HNF4G: variants seen among roughly 807,000 people sequenced by gnomAD.
HNF4G encodes hepatocyte nuclear factor 4-gamma.
HNF4G carries 21 observed loss-of-function variants against 50.9 expected under a neutral mutation model. That is an observed-to-expected ratio of 0.41 (90% CI 0.29 to 0.59). HNF4G has a LOEUF of 0.59. Ranked by LOEUF, HNF4G falls within the 20% of genes least tolerant of loss-of-function variation. HNF4G has a pLI of 0.26. For synonymous variants in HNF4G, 198 were observed against 185.6 expected (o/e 1.07, Z -0.54); for missense variants, 527 against 559.4 (o/e 0.94, Z 0.58).
At chr8:75,555,896 A>G in intron 5 of HNF4G, 86 bp from the exon 6 acceptor site, 1 of 701,356 alleles carries the variant, frequency 1.4e-6, no homozygotes, top group Non-Finnish European at 2.3e-6. Flanking sequence ...CCAGGCTTAA[A>G]GAACACTCTA....
At chr8:75,429,585 C>A (rs545812712) in intron 1 of HNF4G, among the ~76,000 whole-genome samples, 9 of 152,262 alleles carry the variant, frequency 5.9e-5, no homozygotes, top group Admixed American at 5.2e-4. Context: ...ATACTCACTT[C>A]TCATAATGAA....
At chr8:75,412,120 G>A (rs1233900572) in intron 1 of HNF4G, among the ~76,000 whole-genome samples, 9 of 152,194 alleles carry the variant, frequency 5.9e-5, no homozygotes, top group South Asian at 4.1e-4. Context: ...ATTGTGGACC[G>A]CTGGAAACCT....
intron 2 of HNF4G, among the ~76,000 whole-genome samples, chr8:75,506,742 G>A (rs1034153541): frequency 1.4e-4 from 22 of 152,086 alleles, no homozygotes; most frequent in African/African-American, 4.8e-4. Context: ...CCTTAGAGTA[G>A]CAAAAGTTAA....
At chr8:75,499,721 T>TG (rs200016314) in intron 2 of HNF4G, among the ~76,000 whole-genome samples, 15 of 151,724 alleles carry the variant, frequency 9.9e-5, no homozygotes, top group African/African-American at 3.1e-4. Context: ...TAGAGTCCAG[T>TG]GGGGGGAAAA....
intron 1 of HNF4G, among the ~76,000 whole-genome samples, chr8:75,409,277 C>A (rs1177774205): frequency 6.6e-6 from 1 of 151,972 alleles, no homozygotes; most frequent in African/African-American, 2.4e-5. Context: ...GTTATGGGCC[C>A]ACAAATAAGG....
rs1205498019 is a variant in HNF4G at position 75,445,155 on chromosome 8, T to G, written c.-144+36993T>G. 3.5e-4 allele frequency among the ~76,000 whole-genome samples: 46 copies of G among 131,020 alleles called. 1 individual carries two copies. The highest frequency in any genetic ancestry group is 1.2e-3 in the African/African-American group (41 of 33,494). 86.0% of individuals were successfully genotyped at this position (131,020 alleles called of 152,430 possible). A position where few individuals can be genotyped will look rare whatever the true frequency, so the allele number is the denominator to read the frequency against. On this transcript the variant is annotated intron_variant, in intron 1 of 10. Transcript: ENST00000354370. ...CAAAGCGGCTCAACTACATGGAAAC[T>G]GAACAACCTGCTCCTGAATGACTAC...
At chr8:75,476,022 G>A (rs1422462317) in intron 1 of HNF4G, among the ~76,000 whole-genome samples, 1 of 151,950 alleles carries the variant, frequency 6.6e-6, no homozygotes, top group African/African-American at 2.4e-5. Flanking sequence ...GTGAGATTTG[G>A]GCTTCTAGTG....
At chr8:75,517,455 C>T (rs931098938) in intron 2 of HNF4G, among the ~76,000 whole-genome samples, 1 of 152,190 alleles carries the variant, frequency 6.6e-6, no homozygotes, top group Non-Finnish European at 1.5e-5. Context: ...TTACTTCCAA[C>T]ATACGATGGG....
At chr8:75,491,309 T>A (rs1387556965) in intron 2 of HNF4G, among the ~76,000 whole-genome samples, 1 of 152,172 alleles carries the variant, frequency 6.6e-6, no homozygotes, top group Non-Finnish European at 1.5e-5. Flanking sequence ...TTTACTTTTA[T>A]GATAATTATA....
At chr8:75,408,012 C>A (rs1466928371), upstream of HNF4G, 1 of 152,064 alleles carries the variant, frequency 6.6e-6, no homozygotes, top group Non-Finnish European at 1.5e-5. Flanking sequence ...CGCAGCGCAC[C>A]GCCCCGGCGG....
chr8:75,522,607 T>C (rs1215533407), intron 2 of HNF4G, among the ~76,000 whole-genome samples: 1 of 152,168 alleles, frequency 6.6e-6, no homozygotes, highest in African/African-American at 2.4e-5. Flanking sequence ...CATTTTACGA[T>C]GTTTGCAGCA....
At chr8:75,511,119 A>T (rs955470378) in intron 2 of HNF4G, among the ~76,000 whole-genome samples, 1 of 152,122 alleles carries the variant, frequency 6.6e-6, no homozygotes, top group African/African-American at 2.4e-5. Flanking sequence ...AATTATTATT[A>T]TATTCTAAAA....
intron 1 of HNF4G, among the ~76,000 whole-genome samples, chr8:75,540,649 A>T (rs1806591311): frequency 6.6e-6 from 1 of 152,128 alleles, no homozygotes; most frequent in Non-Finnish European, 1.5e-5. Flanking sequence ...TTAGCCGCAC[A>T]AAGCTGTTGG....
chr8:75,511,776 G>C (rs1285948251), intron 2 of HNF4G, among the ~76,000 whole-genome samples: 1 of 152,078 alleles, frequency 6.6e-6, no homozygotes, highest in Non-Finnish European at 1.5e-5. Context: ...GTTTTTAGTA[G>C]AGACGGGGTT....
chr8:75,424,282 G>A (rs549238474), intron 1 of HNF4G, among the ~76,000 whole-genome samples: 51 of 151,862 alleles, frequency 3.4e-4, no homozygotes, highest in Non-Finnish European at 5.3e-4. Flanking sequence ...TTAAATGTTC[G>A]TTAAATAGAA....
chr8:75,520,253 G>C (rs909186651), intron 2 of HNF4G, among the ~76,000 whole-genome samples: 1 of 152,028 alleles, frequency 6.6e-6, no homozygotes, highest in Non-Finnish European at 1.5e-5. Context: ...GAATTTAACA[G>C]TGTCTTGAAT....
chr8:75,554,437 C>G (rs1239670460), intron 5 of HNF4G, among the ~76,000 whole-genome samples: 1 of 152,146 alleles, frequency 6.6e-6, no homozygotes, highest in Non-Finnish European at 1.5e-5. Context: ...TAATTAGCCA[C>G]AAATTAGTAA....
intron 2 of HNF4G, among the ~76,000 whole-genome samples, chr8:75,512,450 C>CTATTATTATTATTAT (rs67502734): frequency 3.4e-5 from 5 of 146,888 alleles, no homozygotes; most frequent in African/African-American, 1.2e-4. Context: ...ATTACTATTA[C>CTATTATTATTATTAT]TATTATTATT....
intron 2 of HNF4G, among the ~76,000 whole-genome samples, chr8:75,499,611 A>G (rs1217679308): frequency 6.6e-6 from 1 of 152,030 alleles, no homozygotes; most frequent in African/African-American, 2.4e-5. Flanking sequence ...CAGCTGAATG[A>G]CCCACACTTT....
Sources: allele counts gnomAD v4.1 joint callset (sites outside exome capture counted in the v4.1 genomes callset), GRCh38; gene constraint gnomAD v4.1.1; transcripts MANE v1.5; gene names NCBI Gene and HGNC (gene_info 2026-07-23, HGNC 2026-07-21).